Variants in EEF2K observed in about 807,000 individuals in gnomAD.
EEF2K encodes alternative protein EEF2K.
A neutral mutation model predicts 93.8 loss-of-function variants in EEF2K; 70 were observed. The ratio of observed to expected loss-of-function variants is 0.75; its 90% CI spans 0.62 to 0.91. The LOEUF (loss-of-function observed/expected upper bound fraction) is 0.91, where lower values mean the gene tolerates loss of function less well. Ranked by LOEUF, EEF2K falls within the 40% of genes least tolerant of loss-of-function variation. EEF2K has a pLI of 0.00. For synonymous variants in EEF2K, 376 were observed against 380.8 expected, an observed-to-expected ratio of 0.99 and a Z score of 0.15; for missense variants, 935 against 972.9, an observed-to-expected ratio of 0.96 and a Z score of 0.52.
At position 22,264,790 on chromosome 16, in the gene EEF2K, G is replaced by A. The variant is rs184670926; in HGVS notation, c.1378-28G>A. On this transcript the variant is annotated intron_variant, in intron 12 of 17. Coordinates refer to ENST00000263026, the MANE Select transcript of EEF2K (RefSeq NM_013302.5). ...TCCTGGGAAGAAGCTTGTCGCTTTG[G>A]ATCAGTGTAATTTCTTCCTCCGTTC... 241 of 1,613,078 alleles carry A rather than the reference G, an allele frequency of 1.5e-4. 1 individual carries two copies. In the African/African-American group the frequency reaches 2.8e-3, roughly 19 times the overall value.
intron 2 of EEF2K, among the ~76,000 whole-genome samples, chr16:22,235,455 GTTTC>G (rs2047158826): frequency 6.6e-6 from 1 of 152,112 alleles, no homozygotes. Context: ...CTACACCACA[GTTTC>G]TTTAAGCATT....
intron 16 of EEF2K, among the ~76,000 whole-genome samples, chr16:22,279,167 C>T (rs569067282): frequency 6.6e-6 from 1 of 151,892 alleles, no homozygotes; most frequent in African/African-American, 2.4e-5. Flanking sequence ...GCTAAGCTGC[C>T]CTTTACTTTC....
intron 4 of EEF2K, among the ~76,000 whole-genome samples, chr16:22,249,390 T>C (rs899790961): frequency 6.6e-6 from 1 of 151,936 alleles, no homozygotes. Flanking sequence ...TTTAGTGTAA[T>C]ATACAATATA....
At chr16:22,272,799 T>C (rs957959832) in intron 15 of EEF2K, among the ~76,000 whole-genome samples, 2 of 152,088 alleles carry the variant, frequency 1.3e-5, no homozygotes, top group Non-Finnish European at 2.9e-5. Context: ...GTAGCTGAAA[T>C]TACAGGTATG....
intron 1 of EEF2K, among the ~76,000 whole-genome samples, chr16:22,220,049 T>A (rs1567260422): frequency 6.6e-6 from 1 of 152,086 alleles, no homozygotes; most frequent in East Asian, 1.9e-4. Context: ...TGCAAAGGAG[T>A]CTGGGAAATG....
At chr16:22,209,186 C>A (rs145347488) in intron 1 of EEF2K, among the ~76,000 whole-genome samples, 32 of 152,262 alleles carry the variant, frequency 2.1e-4, no homozygotes, top group Non-Finnish European at 4.3e-4. Flanking sequence ...CACATGCCAC[C>A]GTGCCCAGCT....
chr16:22,264,959 A>G (rs2047503186), intron 13 of EEF2K, 79 bp downstream of exon 13: 1 of 1,530,870 alleles, frequency 6.5e-7, no homozygotes, highest in African/African-American at 1.4e-5. Context: ...CCTGTCTCAT[A>G]TCTCTGCTGC....
chr16:22,228,375 G>C (rs1409044437), intron 2 of EEF2K, among the ~76,000 whole-genome samples: 3 of 152,120 alleles, frequency 2.0e-5, no homozygotes, highest in Non-Finnish European at 4.4e-5. Context: ...CGTAATCCCA[G>C]CACTTTGGGA....
At chr16:22,277,628 C>T (rs2047650470) in intron 16 of EEF2K, among the ~76,000 whole-genome samples, 1 of 152,062 alleles carries the variant, frequency 6.6e-6, no homozygotes, top group African/African-American at 2.4e-5. Context: ...AGTCAAGGGA[C>T]ACCATGATAA....
chr16:22,234,917 G>A (rs1598174524), intron 2 of EEF2K, among the ~76,000 whole-genome samples: 1 of 106,796 alleles, frequency 9.4e-6, no homozygotes, highest in South Asian at 3.0e-4. Flanking sequence ...GTTTCACTCT[G>A]TTGCCCCTGC....
intron 1 of EEF2K, among the ~76,000 whole-genome samples, chr16:22,219,634 T>G (rs958695250): frequency 6.6e-6 from 1 of 151,930 alleles, no homozygotes; most frequent in South Asian, 2.1e-4. Flanking sequence ...TCTCAAAAAA[T>G]AAAACTTTAC....
chr16:22,229,178 G>A (rs2047092375), intron 2 of EEF2K, among the ~76,000 whole-genome samples: 1 of 151,944 alleles, frequency 6.6e-6, no homozygotes, highest in Admixed American at 6.6e-5. Flanking sequence ...TACTGTGGAA[G>A]GTTTCCGTCT....
At chr16:22,237,933 G>A (rs2047183365) in intron 2 of EEF2K, among the ~76,000 whole-genome samples, 1 of 152,156 alleles carries the variant, frequency 6.6e-6, no homozygotes, top group African/African-American at 2.4e-5. Context: ...CCACCAGTAA[G>A]TGGTATCATA....
chr16:22,277,903 A>G (rs1033151434), intron 16 of EEF2K, among the ~76,000 whole-genome samples: 1 of 152,260 alleles, frequency 6.6e-6, no homozygotes, highest in Middle Eastern at 3.4e-3. Flanking sequence ...ACCTGGCAGA[A>G]GAGAAGGAGA....
chr16:22,213,540 C>T (rs2113143), intron 1 of EEF2K, among the ~76,000 whole-genome samples: 62,628 of 152,046 alleles, frequency 0.41, 14,955 homozygotes, highest in East Asian at 0.88. Flanking sequence ...TTCAGGACTT[C>T]GTTAGTTTCC....
chr16:22,252,830 T>G (rs1295071273), intron 6 of EEF2K, among the ~76,000 whole-genome samples: 1 of 151,924 alleles, frequency 6.6e-6, no homozygotes, highest in African/African-American at 2.4e-5. Flanking sequence ...ACAAGAGAGA[T>G]TGAGGACCAA....
Position 22,273,697 on chromosome 16 carries a change from C to T in EEF2K, c.1836C>T (p.Ser612=), listed in dbSNP as rs780471728. ...LKAAEAGDRQ[S]MILVARAFDS... ...CCGCTGAAGCTGGCGACAGGCAGTC[C>T]ATGATCCTAGTGGCGCGAGCTTTTG... The change falls in exon 16 of 18, where the codon TCC becomes TCT. Residue 612 remains serine, a synonymous_variant. Coordinates refer to ENST00000263026, the MANE Select transcript of EEF2K (RefSeq NM_013302.5). 12 of 1,614,034 alleles carry T rather than the reference C, an allele frequency of 7.4e-6. No individual in the cohort carries two copies. Among genetic ancestry groups the T allele is most frequent in the Admixed American group, 1.7e-5 (1 of 59,976 alleles).
At chr16:22,209,374 A>G (rs2046893647) in intron 1 of EEF2K, among the ~76,000 whole-genome samples, 3 of 152,104 alleles carry the variant, frequency 2.0e-5, no homozygotes, top group African/African-American at 2.4e-5. Context: ...AGAGTCCCCA[A>G]AGCAGTCTTG....
intron 11 of EEF2K, 25 bp downstream of exon 11, chr16:22,260,554 C>T (rs540917876): frequency 4.3e-6 from 7 of 1,613,758 alleles, no homozygotes; most frequent in Non-Finnish European, 5.9e-6. Context: ...AGGGAGGCTG[C>T]AGGCTTCAGA....
Sources: gnomAD v4.1 joint callset for allele counts (sites outside exome capture counted in the v4.1 genomes callset) on GRCh38, gnomAD v4.1.1 for gene constraint, MANE v1.5 for transcripts, NCBI Gene and HGNC (gene_info 2026-07-23, HGNC 2026-07-21) for gene names.